ANKS1A: variants seen among roughly 807,000 people sequenced by gnomAD.
ANKS1A encodes the protein ankyrin repeat and sterile alpha motif domain containing 1A.
A neutral mutation model predicts 120.3 loss-of-function variants in ANKS1A; 55 were observed. The ratio of observed to expected loss-of-function variants is 0.46; its 90% CI spans 0.37 to 0.57. The LOEUF (loss-of-function observed/expected upper bound fraction) is 0.57. Ranked by LOEUF, ANKS1A falls within the 20% of genes least tolerant of loss-of-function variation. The pLI is 0.00. For missense variants in ANKS1A, 1,123 were observed against 1,480.3 expected (o/e 0.76, Z 3.96); for synonymous variants, 590 against 604.7 (o/e 0.98, Z 0.36).
At chr6:34,928,782 T>C (rs533848355) in intron 1 of ANKS1A, among the ~76,000 whole-genome samples, 1 of 152,302 alleles carries the variant, frequency 6.6e-6, no homozygotes, top group South Asian at 2.1e-4. Context: ...TGTTTCACCA[T>C]CTCCCTTCAG....
intron 1 of ANKS1A, among the ~76,000 whole-genome samples, chr6:34,949,361 A>ACT (rs1769958145): frequency 6.6e-6 from 1 of 152,326 alleles, no homozygotes; most frequent in Admixed American, 6.5e-5. Context: ...GGAGGTCCTT[A>ACT]CTGCATGTCA....
Position 34,920,828 on chromosome 6 carries a change from G to A in ANKS1A, c.197+31229G>A, listed in dbSNP as rs76326095. On this transcript the variant is annotated intron_variant, in intron 1 of 23. Transcript: ENST00000360359. ...ATGGCACATAATATTTTCACTCACC[G>A]CCTTGCTGAGCACTTGTTGGCTGAC... Among the ~76,000 whole-genome samples the A allele has an allele frequency of 4.8e-3, 736 of 152,272 alleles. 4 individuals carry two copies. The highest frequency in any genetic ancestry group is 0.016 in the African/African-American group (683 of 41,548).
chr6:35,086,843 C>T lies in ANKS1A; in HGVS notation c.3304-109C>T. The T allele has an allele frequency of 9.1e-7, 1 of 1,102,812 alleles. No homozygotes were observed. The allele number at this position is 1,102,812 out of a possible 1,614,324, so 68.3% of individuals were successfully genotyped here. A position where few individuals can be genotyped will look rare whatever the true frequency, so the allele number is the denominator to read the frequency against. On this transcript the variant is annotated intron_variant, in intron 22 of 23. Coordinates refer to ENST00000360359, the MANE Select transcript of ANKS1A (RefSeq NM_015245.3). The surrounding 1 kb of genome is among the most constrained non-coding windows in gnomAD (Gnocchi z 5.1). ...CTTTGGCCGAGGAGAATAAGGGCTG[C>T]CCCTCCCAGCACAGGGGCCACAGCC...
At chr6:34,894,218 A>G (rs1242969681) in intron 1 of ANKS1A, among the ~76,000 whole-genome samples, 5 of 152,214 alleles carry the variant, frequency 3.3e-5, no homozygotes, top group African/African-American at 1.2e-4. Context: ...CTCATGTAAC[A>G]AGACAGTTTG....
At chr6:35,078,205 G>C (rs1051725732) in intron 13 of ANKS1A, among the ~76,000 whole-genome samples, 1 of 152,156 alleles carries the variant, frequency 6.6e-6, no homozygotes, top group Non-Finnish European at 1.5e-5. Context: ...GGAACCTTAG[G>C]ATGAGTCCAC....
chr6:35,064,948 AGC>A (rs1042540263), intron 13 of ANKS1A, among the ~76,000 whole-genome samples: 1 of 152,074 alleles, frequency 6.6e-6, no homozygotes, highest in Non-Finnish European at 1.5e-5. Flanking sequence ...GTGTGGATCC[AGC>A]CTCCTGGACT....
chr6:34,889,737 CG>C lies in ANKS1A; in HGVS notation c.197+139del. The C allele has an allele frequency of 3.5e-6, 4 of 1,133,520 alleles. No individual in the cohort carries two copies. The highest frequency in any genetic ancestry group is 4.4e-6 in the Non-Finnish European group (4 of 918,836). The allele number at this position is 1,133,520 out of a possible 1,614,324, so 70.2% of individuals were successfully genotyped here. ...CGTGCCCGGGGCGAGGCAGGCGGCC[CG>C]CGGGCCAGGGTACCGGAGGGCGCGC... On this transcript the variant is annotated intron_variant, in intron 1 of 23. Coordinates refer to ENST00000360359, the MANE Select transcript of ANKS1A (RefSeq NM_015245.3). The surrounding 1 kb of genome is among the most constrained non-coding windows in gnomAD (Gnocchi z 5.5).
intron 11 of ANKS1A, among the ~76,000 whole-genome samples, chr6:35,035,280 A>G (rs1397903491): frequency 3.9e-5 from 6 of 152,308 alleles, no homozygotes; most frequent in Non-Finnish European, 5.9e-5. Flanking sequence ...CCTGAATTCT[A>G]TCTAAAGAGG....
rs1248083600 is a variant in ANKS1A, at chr6:35,025,350, GA to G, written c.2010+7292del. Among the ~76,000 whole-genome samples, 9 of 151,982 alleles carry G rather than the reference GA, an allele frequency of 5.9e-5. No individual in the cohort carries two copies. In the East Asian group the frequency reaches 1.8e-3, roughly 30 times the overall value. ...ATTTCCATGGCCTTGATGCTAACAG[GA>G]GAAACTCCACGGTGTTGTGAATGAG... On this transcript the variant is annotated intron_variant, in intron 11 of 23. Transcript: ENST00000360359.
At chr6:34,988,335 G>T (rs1276106910) in intron 8 of ANKS1A, among the ~76,000 whole-genome samples, 1 of 152,150 alleles carries the variant, frequency 6.6e-6, no homozygotes, top group Non-Finnish European at 1.5e-5. Flanking sequence ...GGTGGCTTAC[G>T]CCTGTAATCC....
At chr6:35,049,449 A>C (rs189665344) in intron 11 of ANKS1A, among the ~76,000 whole-genome samples, 89 of 152,304 alleles carry the variant, frequency 5.8e-4, no homozygotes, top group African/African-American at 1.9e-3. Flanking sequence ...CACACCATAA[A>C]ACAGTTAATC....
chr6:34,931,576 A>C (rs1015801029), intron 1 of ANKS1A, among the ~76,000 whole-genome samples: 6 of 152,282 alleles, frequency 3.9e-5, no homozygotes, highest in Admixed American at 2.0e-4. Flanking sequence ...TACAAATGGC[A>C]TTACTTCATG....
At chr6:34,907,240 T>C (rs1767688578) in intron 1 of ANKS1A, among the ~76,000 whole-genome samples, 1 of 152,190 alleles carries the variant, frequency 6.6e-6, no homozygotes, top group African/African-American at 2.4e-5. Flanking sequence ...GGGACATGAA[T>C]GTAAAAACTA....
chr6:35,028,986 T>G (rs1267830209), intron 11 of ANKS1A, among the ~76,000 whole-genome samples: 3 of 152,246 alleles, frequency 2.0e-5, no homozygotes, highest in Non-Finnish European at 4.4e-5. Context: ...CCACAACATG[T>G]AAACACCTTA....
At position 35,089,676 on chromosome 6, in the gene ANKS1A, C is replaced by A; in HGVS notation, c.*1067C>A. ...GTGCATCGATGCTCCCCCGCGTGGC[C>A]TTTGGGGCAGGCTGGCATCCCGGTG... On this transcript the variant is annotated 3_prime_UTR_variant, in exon 24 of 24. Coordinates refer to ENST00000360359, the MANE Select transcript of ANKS1A (RefSeq NM_015245.3). The A allele has an allele frequency of 5.0e-6, 5 of 992,482 alleles. No individual in the cohort carries two copies. The highest frequency in any genetic ancestry group is 6.0e-6 in the Non-Finnish European group (5 of 834,196). The allele number at this position is 992,482 out of a possible 1,614,324, so 61.5% of individuals were successfully genotyped here. A position where few individuals can be genotyped will look rare whatever the true frequency, so the allele number is the denominator to read the frequency against.
chr6:35,073,949 C>T (rs1777207127), intron 13 of ANKS1A, among the ~76,000 whole-genome samples: 1 of 152,232 alleles, frequency 6.6e-6, no homozygotes, highest in Non-Finnish European at 1.5e-5. Context: ...TTGGGAGGAC[C>T]CCGCGCTGCG....
chr6:34,941,879 G>A (rs984368072), intron 1 of ANKS1A, among the ~76,000 whole-genome samples: 3 of 152,190 alleles, frequency 2.0e-5, no homozygotes, highest in African/African-American at 7.2e-5. Flanking sequence ...GACAATGTAC[G>A]ATGTACTGTT....
At chr6:35,052,899 C>T (rs1776040290) in intron 11 of ANKS1A, among the ~76,000 whole-genome samples, 1 of 152,168 alleles carries the variant, frequency 6.6e-6, no homozygotes, top group South Asian at 2.1e-4. Flanking sequence ...CTCTGCCTTG[C>T]TGAGCTCAGG....
In ANKS1A at chr6:35,085,521, G is replaced by A. The variant is rs777084668; in HGVS notation, c.3133-245G>A. 2.3e-4 allele frequency among the ~76,000 whole-genome samples: 35 copies of A among 152,170 alleles called. 1 individual carries two copies. The highest frequency in any genetic ancestry group is 4.3e-4 in the Non-Finnish European group (29 of 68,034). ...CACCCTGCCTTGGAAAAGACCTGCCGTAGGCTTACAGCAGTGTGCACCTGC... is the reference window on the plus strand; with the variant it reads ...CACCCTGCCTTGGAAAAGACCTGCCATAGGCTTACAGCAGTGTGCACCTGC... On this transcript the variant is annotated intron_variant, in intron 21 of 23. Transcript: ENST00000360359. The surrounding 1 kb of genome is among the most constrained non-coding windows in gnomAD (Gnocchi z 4.7).
Sources: allele counts gnomAD v4.1 joint callset (sites outside exome capture counted in the v4.1 genomes callset), GRCh38; gene constraint gnomAD v4.1.1; non-coding constraint Gnocchi (gnomAD v3.1); transcripts MANE v1.5; gene names NCBI Gene and HGNC (gene_info 2026-07-23, HGNC 2026-07-21).